Variants in KPNA2 observed in about 807,000 individuals in gnomAD.
KPNA2 encodes karyopherin subunit alpha 2, also known as importin subunit alpha-1.
A neutral mutation model predicts 53.7 loss-of-function variants in KPNA2; 20 were observed. The observed-to-expected ratio is 0.37, with a 90% CI of 0.26 to 0.54. KPNA2 has a LOEUF of 0.54. Ranked by LOEUF, KPNA2 falls within the 20% of genes least tolerant of loss-of-function variation. KPNA2 has a pLI of 0.83. For synonymous variants in KPNA2, 238 were observed against 227.5 expected, an observed-to-expected ratio of 1.05 and a Z score of -0.42; for missense variants, 515 against 640.3, an observed-to-expected ratio of 0.80 and a Z score of 2.11.
intron 3 of KPNA2, among the ~76,000 whole-genome samples, chr17:68,039,821 C>T (rs1555704278): frequency 6.6e-6 from 1 of 150,378 alleles, no homozygotes; most frequent in Non-Finnish European, 1.5e-5. Context: ...GCCTGTAATT[C>T]CAGCACTTTG....
intron 2 of KPNA2, 42 bp downstream of exon 2, chr17:68,037,249 G>T (rs2071200887): frequency 1.3e-6 from 2 of 1,587,506 alleles, no homozygotes; most frequent in African/African-American, 1.4e-5. Context: ...TATTTAAATG[G>T]GAAGACATTT....
At chr17:68,044,768 C>G (rs1264417949) in intron 9 of KPNA2, among the ~76,000 whole-genome samples, 2 of 152,160 alleles carry the variant, frequency 1.3e-5, no homozygotes, top group Non-Finnish European at 2.9e-5. Flanking sequence ...GATTTAATTT[C>G]CCAATTTCAT....
intron 1 of KPNA2, 38 bp downstream of exon 1, chr17:68,035,878 G>A (rs1340963183): frequency 6.6e-6 from 1 of 152,354 alleles, no homozygotes; most frequent in African/African-American, 2.4e-5. Flanking sequence ...GAGCGCTAAC[G>A]GCTTGCCCGT....
chr17:68,042,456 G>A lies in KPNA2; in HGVS notation c.571+103G>A, dbSNP rs1037634571. 33 of 1,234,658 alleles carry A rather than the reference G, an allele frequency of 2.7e-5. No individual in the cohort carries two copies. In the African/African-American group the frequency reaches 3.6e-4, roughly 13 times the overall value. The allele number at this position is 1,234,658 out of a possible 1,614,324, so 76.5% of individuals were successfully genotyped here. A position where few individuals can be genotyped will look rare whatever the true frequency, so the allele number is the denominator to read the frequency against. On this transcript the variant is annotated intron_variant, in intron 5 of 10. Transcript: ENST00000330459. ...AGTGACTTTGTCAAGTTTTGAGCTT[G>A]CTTTCAAGCCCTTATTAGGAATGAA...
At chr17:68,036,942 A>G (rs905853309) in intron 1 of KPNA2, 168 bp from the exon 2 acceptor site, 1 of 557,866 alleles carries the variant, frequency 1.8e-6, no homozygotes, top group Non-Finnish European at 3.2e-6. Flanking sequence ...GAAGGGGGAC[A>G]CTTCCCCTTT....
At chr17:68,044,174 C>T in intron 8 of KPNA2, 103 bp downstream of exon 8, 2 of 1,264,350 alleles carry the variant, frequency 1.6e-6, no homozygotes, top group East Asian at 4.6e-5. Flanking sequence ...TACTAGGAGT[C>T]CTTTGCTGAA....
chr17:68,036,808 A>G (rs2071195443), intron 1 of KPNA2, among the ~76,000 whole-genome samples: 2 of 152,212 alleles, frequency 1.3e-5, no homozygotes, highest in Admixed American at 1.3e-4. Context: ...ACATTATTAA[A>G]ATTAGTTTCA....
chr17:68,043,088 T>C lies in KPNA2; in HGVS notation c.667-12T>C. ...AGACAGAACCTCTCATTGCCTATTT[T>C]TTTTCCCCCAGTGTGGCTACTTACG... On this transcript the variant is annotated splice_polypyrimidine_tract_variant and intron_variant, in intron 6 of 10. Transcript: ENST00000330459. The C allele has an allele frequency of 1.2e-6, 2 of 1,613,858 alleles. No individual in the cohort carries two copies. Among genetic ancestry groups the C allele is most frequent in the Non-Finnish European group, 1.7e-6 (2 of 1,179,834 alleles).
Position 68,042,248 on chromosome 17 carries a change from A to G in KPNA2, c.466A>G (p.Lys156Glu), listed in dbSNP as rs1555704657. 5.0e-6 allele frequency: 8 copies of G among 1,614,016 alleles called. No homozygotes were observed. The highest frequency in any genetic ancestry group is 2.7e-5 in the African/African-American group (2 of 74,926). The change falls in exon 5 of 11, where the codon AAG becomes GAG. Residue 156 changes from lysine to glutamate, a missense_variant. Physicochemically the swap from Lys to Glu is moderately conservative, Grantham distance 56. Transcript: ENST00000330459. ...TGCTTCTGGGACATCAGAACAAACC[A>G]AGGCTGTGGTAGATGGAGGTGCCAT... ...NIASGTSEQT[K>E]AVVDGGAIPA...
At chr17:68,037,000 G>A (rs1156604119) in intron 1 of KPNA2, 110 bp from the exon 2 acceptor site, 6 of 766,502 alleles carry the variant, frequency 7.8e-6, no homozygotes, top group Admixed American at 6.7e-5. Context: ...CCCCCCTCTA[G>A]TATACAGGTG....
intron 4 of KPNA2, among the ~76,000 whole-genome samples, chr17:68,041,667 A>G (rs1241375423): frequency 1.3e-5 from 2 of 152,216 alleles, no homozygotes; most frequent in African/African-American, 4.8e-5. Context: ...TCGAGGCTGC[A>G]GTGAGCTGTG....
In KPNA2 at chr17:68,040,663, T is replaced by C; in HGVS notation, c.214-15T>C. 1 of 1,564,414 alleles carries C rather than the reference T, an allele frequency of 6.4e-7. No individual in the cohort carries two copies. ...AATCTTAATGATAATGTGCAAACTT[T>C]CACTTTTCTTCTAGGGCACTGTAAA... On this transcript the variant is annotated splice_polypyrimidine_tract_variant and intron_variant, in intron 3 of 10. Transcript: ENST00000330459.
At chr17:68,043,663 GC>G (rs1555704969) in intron 7 of KPNA2, among the ~76,000 whole-genome samples, 174 bp from the exon 8 acceptor site, 1 of 135,950 alleles carries the variant, frequency 7.4e-6, no homozygotes, top group African/African-American at 2.8e-5. Flanking sequence ...CCGAAATCGT[GC>G]CATTATACTC....
At chr17:68,043,791 G>T in intron 7 of KPNA2, 47 bp from the exon 8 acceptor site, 1 of 1,222,148 alleles carries the variant, frequency 8.2e-7, no homozygotes, top group Admixed American at 1.7e-5. Context: ...AATTTCTAAA[G>T]TGCTGGGGAA....
chr17:68,042,950 T>C lies in KPNA2; in HGVS notation c.617T>C (p.Val206Ala), dbSNP rs2071279081. The stretch of plus-strand genomic sequence containing the variant: ...GACTTGGTTATTAAGTACGGTGCAG[T>C]TGACCCACTGTTGGCTCTCCTTGCA... The part of the protein sequence containing the change: ...FRDLVIKYGA[V>A]DPLLALLAVP... The change falls in exon 6 of 11, where the codon GTT becomes GCT. Residue 206 changes from valine to alanine, a missense_variant. By Grantham distance (64) the Val-to-Ala change is moderately conservative (BLOSUM62 0). Transcript: ENST00000330459. 2 of 1,614,048 alleles carry C rather than the reference T, an allele frequency of 1.2e-6. No individual in the cohort carries two copies. Among genetic ancestry groups the C allele is most frequent in the Non-Finnish European group, 1.7e-6 (2 of 1,179,956 alleles).
chr17:68,043,919 G>A lies in KPNA2; in HGVS notation c.1012G>A (p.Ala338Thr), dbSNP rs370220613. Residue 338 changes from alanine (A) to threonine (T), a missense_variant, in exon 8 of 11, where the codon GCC becomes ACC. By Grantham distance (58) the Ala-to-Thr change is moderately conservative (BLOSUM62 0). Transcript: ENST00000330459. ...TQVVIDAGAL[A>T]VFPSLLTNPK... ...GGTTGTGATTGATGCAGGAGCACTC[G>A]CCGTCTTTCCCAGCCTGCTCACCAA... The A allele has an allele frequency of 3.3e-5, 54 of 1,613,174 alleles. No homozygotes were observed. The highest frequency in any genetic ancestry group is 2.9e-4 in the East Asian group (13 of 44,872).
At chr17:68,036,931 G>A in intron 1 of KPNA2, 179 bp from the exon 2 acceptor site, 1 of 527,830 alleles carries the variant, frequency 1.9e-6, no homozygotes, top group Non-Finnish European at 3.4e-6. Flanking sequence ...CCCTTTAGAG[G>A]GAAGGGGGAC....
chr17:68,040,230 G>T (rs2144211398), intron 3 of KPNA2, among the ~76,000 whole-genome samples: 1 of 151,498 alleles, frequency 6.6e-6, no homozygotes, highest in South Asian at 2.1e-4. Flanking sequence ...GGTCTTGTAT[G>T]GCGACAGGCA....
In KPNA2 at chr17:68,044,025, T is replaced by A. The variant is rs782521243; in HGVS notation, c.1118T>A (p.Val373Asp). The change falls in exon 8 of 11, where the codon GTT becomes GAT. Residue 373 changes from valine to aspartate, a missense_variant. Physicochemically the swap from Val to Asp is radical, Grantham distance 152. Transcript: ENST00000330459. ...TAGRQDQIQQ[V>D]VNHGLVPFLV... The stretch of plus-strand genomic sequence containing the variant: ...GGCCGCCAGGACCAGATACAGCAAG[T>A]TGTGAATCATGGATTAGTCCCATTC... 6.2e-7 allele frequency: 1 copy of A among 1,613,862 alleles called. No homozygotes were observed. The highest frequency in any genetic ancestry group is 1.3e-5 in the African/African-American group (1 of 74,928).
Sources: allele counts gnomAD v4.1 joint callset (sites outside exome capture counted in the v4.1 genomes callset), GRCh38; gene constraint gnomAD v4.1.1; transcripts MANE v1.5; gene names NCBI Gene and HGNC (gene_info 2026-07-23, HGNC 2026-07-21).